The following RNGTT variants were observed in gnomAD, a reference collection of about 807,000 sequenced individuals.
RNGTT encodes mRNA-capping enzyme.
RNGTT carries 33 observed loss-of-function variants against 79.3 expected under a neutral mutation model. That is an observed-to-expected ratio of 0.42 (90% CI 0.32 to 0.56). The LOEUF (loss-of-function observed/expected upper bound fraction) is 0.56, where lower values mean the gene tolerates loss of function less well. Among genes scored for constraint, RNGTT ranks in the 20% least tolerant of loss-of-function variants. RNGTT has a pLI of 0.17. For synonymous variants in RNGTT, 222 were observed against 235.9 expected (o/e 0.94, Z 0.54); for missense variants, 497 against 739.1 (o/e 0.67, Z 3.80).
At chr6:88,826,339 C>T (rs1185938038) in intron 11 of RNGTT, among the ~76,000 whole-genome samples, 1 of 152,200 alleles carries the variant, frequency 6.6e-6, no homozygotes, top group Non-Finnish European at 1.5e-5. Flanking sequence ...TCTTCACACT[C>T]ATGCCTTAGA....
chr6:88,844,916 C>T (rs943418407), intron 10 of RNGTT, among the ~76,000 whole-genome samples: 1 of 151,880 alleles, frequency 6.6e-6, no homozygotes, highest in Non-Finnish European at 1.5e-5. Flanking sequence ...AGCAAGACCA[C>T]CACTTCCAAA....
rs59719740 is a variant in RNGTT, at chr6:88,761,018, T to TACACACACAC, written c.1439+8746_1439+8755dup. On this transcript the variant is annotated intron_variant, in intron 13 of 15. Transcript: ENST00000369485. ...TTTTAATGAATTGAAGCAAAAGAAA[T>TACACACACAC]ACACACACACACACACACACACACA... Among the ~76,000 whole-genome samples, 168 of 131,230 alleles carry TACACACACAC rather than the reference T, an allele frequency of 1.3e-3. 1 individual carries two copies. The highest frequency in any genetic ancestry group is 1.7e-3 in the East Asian group (8 of 4,658). The allele number at this position is 131,230 out of a possible 152,430, so 86.1% of individuals were successfully genotyped here.
At chr6:88,862,181 C>G (rs2127914155) in intron 8 of RNGTT, among the ~76,000 whole-genome samples, 1 of 152,106 alleles carries the variant, frequency 6.6e-6, no homozygotes, top group East Asian at 1.9e-4. Flanking sequence ...AATGAGTTGA[C>G]TGATGGTTGG....
intron 1 of RNGTT, among the ~76,000 whole-genome samples, chr6:88,946,176 T>C (rs1245184105): frequency 6.6e-6 from 1 of 152,236 alleles, no homozygotes; most frequent in Non-Finnish European, 1.5e-5. Context: ...TTTGTGTCTG[T>C]GCCACATTTT....
At chr6:88,727,240 G>A (rs371080749) in intron 13 of RNGTT, among the ~76,000 whole-genome samples, 5 of 152,200 alleles carry the variant, frequency 3.3e-5, no homozygotes, top group African/African-American at 9.7e-5. Flanking sequence ...AATGTGCAAG[G>A]TGTATAAGGA....
At chr6:88,665,346 C>G (rs1774358433) in intron 14 of RNGTT, among the ~76,000 whole-genome samples, 1 of 152,128 alleles carries the variant, frequency 6.6e-6, no homozygotes, top group South Asian at 2.1e-4. Flanking sequence ...CAGAGAAGCC[C>G]TGGAAGGTAT....
intron 11 of RNGTT, among the ~76,000 whole-genome samples, chr6:88,837,268 G>T (rs978371187): frequency 6.6e-6 from 1 of 152,024 alleles, no homozygotes; most frequent in Admixed American, 6.6e-5. Context: ...GTGGTGGCAC[G>T]TGCCTGTAGT....
At position 88,726,009 on chromosome 6, in the gene RNGTT, CAGAG is replaced by C. The variant is rs370743130; in HGVS notation, c.1439+43761_1439+43764del. Among the ~76,000 whole-genome samples, 31 of 149,048 alleles carry C rather than the reference CAGAG, an allele frequency of 2.1e-4. No individual in the cohort carries two copies. The East Asian group carries it at 2.2e-3, about 10-fold the overall frequency. On this transcript the variant is annotated intron_variant, in intron 13 of 15. Transcript: ENST00000369485. ...ATAAAGAGAAAGACAAAGAGGAAAT[CAGAG>C]AGAGAGAGAGAGACAGAGAGTCAAA...
chr6:88,865,978 C>G (rs1782152936), intron 8 of RNGTT, among the ~76,000 whole-genome samples: 1 of 151,908 alleles, frequency 6.6e-6, no homozygotes, highest in Non-Finnish European at 1.5e-5. Flanking sequence ...CCTTTATCTA[C>G]CAAAAAGAAA....
At chr6:88,922,710 T>A (rs1213445598) in intron 4 of RNGTT, among the ~76,000 whole-genome samples, 1 of 152,042 alleles carries the variant, frequency 6.6e-6, no homozygotes, top group Non-Finnish European at 1.5e-5. Context: ...TGTATTTTTT[T>A]ATTAGAAACA....
chr6:88,920,249 T>G (rs1055687684), intron 4 of RNGTT, among the ~76,000 whole-genome samples: 1 of 152,224 alleles, frequency 6.6e-6, no homozygotes. Flanking sequence ...AGTGCTCAAG[T>G]GCCTTGTATA....
intron 13 of RNGTT, among the ~76,000 whole-genome samples, chr6:88,748,852 A>G (rs1226094152): frequency 6.6e-6 from 1 of 152,136 alleles, no homozygotes; most frequent in Admixed American, 6.6e-5. Context: ...CACTTTCCAC[A>G]AGCCTAATAA....
chr6:88,876,522 AATCATC>A (rs762513480), intron 8 of RNGTT, among the ~76,000 whole-genome samples: 2 of 152,226 alleles, frequency 1.3e-5, no homozygotes, highest in African/African-American at 4.8e-5. Context: ...CTCAAAAAAC[AATCATC>A]ATCATCATCA....
intron 14 of RNGTT, among the ~76,000 whole-genome samples, chr6:88,673,220 A>G (rs890794792): frequency 4.6e-5 from 7 of 152,230 alleles, no homozygotes; most frequent in Non-Finnish European, 8.8e-5. Flanking sequence ...ATCCTGATTT[A>G]ATTTTAAAAA....
chr6:88,881,061 A>G (rs1003968775), intron 8 of RNGTT, among the ~76,000 whole-genome samples: 3 of 152,218 alleles, frequency 2.0e-5, no homozygotes, highest in African/African-American at 7.2e-5. Context: ...TCCTGGGGAA[A>G]GCCATGAAAA....
In RNGTT at chr6:88,660,797, T is replaced by C. The variant is rs547478407; in HGVS notation, c.1506+17556A>G. 2.0e-5 allele frequency among the ~76,000 whole-genome samples: 3 copies of C among 152,276 alleles called. No homozygotes were observed. The South Asian group carries it at 6.2e-4, about 32-fold the overall frequency. On this transcript the variant is annotated intron_variant, in intron 14 of 15. Coordinates refer to ENST00000369485, the MANE Select transcript of RNGTT (RefSeq NM_003800.5). ...CAACAAAGAAACAATGGACTTAAAC[T>C]ATACCCTAGAACAAATGGACTTAAC... is the stretch of plus-strand genomic sequence containing the variant.
At chr6:88,739,725 T>TATATATATA (rs1491236944) in intron 13 of RNGTT, among the ~76,000 whole-genome samples, 1 of 94,152 alleles carries the variant, frequency 1.1e-5, no homozygotes, top group Non-Finnish European at 2.0e-5. Flanking sequence ...GTGAAAAAAA[T>TATATATATA]TATATATATA....
chr6:88,886,311 A>T (rs1782859593), intron 8 of RNGTT, among the ~76,000 whole-genome samples: 2 of 152,226 alleles, frequency 1.3e-5, no homozygotes, highest in Non-Finnish European at 2.9e-5. Flanking sequence ...CTCAAAAAAA[A>T]AAAGAATTAT....
At chr6:88,631,267 T>G (rs954407744) in intron 14 of RNGTT, among the ~76,000 whole-genome samples, 1 of 152,254 alleles carries the variant, frequency 6.6e-6, no homozygotes, top group Admixed American at 6.5e-5. Context: ...TAATTGCTAC[T>G]GTCTCAGAGA....
Sources: allele counts gnomAD v4.1 joint callset (sites outside exome capture counted in the v4.1 genomes callset), GRCh38; gene constraint gnomAD v4.1.1; transcripts MANE v1.5; gene names NCBI Gene and HGNC (gene_info 2026-07-23, HGNC 2026-07-21).